Variants in TAF4B observed in about 807,000 individuals in gnomAD.
TAF4B encodes TATA-box binding protein associated factor 4b.
A neutral mutation model predicts 86.4 loss-of-function variants in TAF4B; 38 were observed. The ratio of observed to expected loss-of-function variants is 0.44; its 90% confidence interval spans 0.34 to 0.58. TAF4B has a LOEUF of 0.58. TAF4B is among the 20% of genes least tolerant of loss of function. TAF4B has a pLI of 0.02. For missense variants in TAF4B, 988 were observed against 1,027.6 expected (o/e 0.96, Z 0.53); for synonymous variants, 388 against 391.2 (o/e 0.99, Z 0.10).
intron 14 of TAF4B, among the ~76,000 whole-genome samples, chr18:26,389,228 C>T (rs1431613201): frequency 5.3e-5 from 8 of 152,082 alleles, no homozygotes; most frequent in South Asian, 2.1e-4. Flanking sequence ...ATGGGGACAG[C>T]GCTTATATAA....
At chr18:26,246,937 T>TC (rs1010451106) in intron 1 of TAF4B, among the ~76,000 whole-genome samples, 9 of 149,228 alleles carry the variant, frequency 6.0e-5, no homozygotes, top group Non-Finnish European at 1.3e-4. Flanking sequence ...TGCAACCCTC[T>TC]CCCCCGCCAC....
At chr18:26,320,335 C>T (rs545193595) in intron 10 of TAF4B, among the ~76,000 whole-genome samples, 17 of 152,092 alleles carry the variant, frequency 1.1e-4, no homozygotes, top group Non-Finnish European at 1.9e-4. Context: ...ATTTAAATTA[C>T]GGACAAGGTT....
intron 1 of TAF4B, among the ~76,000 whole-genome samples, chr18:26,257,856 T>C (rs901229604): frequency 0.017 from 2,083 of 123,202 alleles, 39 homozygotes; most frequent in African/African-American, 0.063. Flanking sequence ...TGTGTGTGTG[T>C]GTGTGTGTGT....
At chr18:26,239,004 G>A (rs1447950665) in intron 1 of TAF4B, among the ~76,000 whole-genome samples, 1 of 152,210 alleles carries the variant, frequency 6.6e-6, no homozygotes, top group African/African-American at 2.4e-5. Context: ...GGACATTTGG[G>A]TTGGTTCCAA....
rs1488488612 is a variant in TAF4B at position 26,391,056 on chromosome 18, A to T, written c.*1044A>T. 6.6e-6 allele frequency: 1 copy of T among 152,212 alleles called. No individual in the cohort carries two copies. The highest frequency in any genetic ancestry group is 2.4e-5 in the African/African-American group (1 of 41,454). 9.4% of individuals were successfully genotyped at this position (152,212 alleles called of 1,614,324 possible). The stretch of plus-strand genomic sequence containing the variant: ...TGGCACATTTAAAAAATCCTAATTG[A>T]TGATGAGAAATTTTTAACAATAGGA... On this transcript the variant is annotated 3_prime_UTR_variant, in exon 15 of 15. Transcript: ENST00000269142.
chr18:26,234,571 T>G (rs1238326632), intron 1 of TAF4B, among the ~76,000 whole-genome samples: 1 of 152,238 alleles, frequency 6.6e-6, no homozygotes, highest in East Asian at 1.9e-4. Flanking sequence ...TTTCAAGTAC[T>G]GTTACATCAC....
At position 26,357,793 on chromosome 18, in the gene TAF4B, A is replaced by G. The variant is rs2057299767; in HGVS notation, c.2420A>G (p.Glu807Gly). The change falls in exon 14 of 15, where the codon GAG becomes GGG. Residue 807 changes from glutamate (E) to glycine (G), a missense_variant and splice_region_variant. By Grantham distance (98) the Glu-to-Gly change is moderately conservative. Coordinates refer to ENST00000269142, the MANE Select transcript of TAF4B (RefSeq NM_005640.3). ...RKKRPLESGI[E>G]GLKDNLLASG... ...AAGAGACCACTAGAATCTGGAATTGAGGTATTGAAATAATATTCATTATTT... is the reference window on the plus strand; with the variant it reads ...AAGAGACCACTAGAATCTGGAATTGGGGTATTGAAATAATATTCATTATTT... 5 of 1,590,734 alleles carry G rather than the reference A, an allele frequency of 3.1e-6. No homozygotes were observed. The East Asian group carries it at 1.1e-4, about 36-fold the overall frequency.
chr18:26,242,016 A>G lies in TAF4B; in HGVS notation c.343+14740A>G, dbSNP rs1316960278. Among the ~76,000 whole-genome samples, 9 of 152,294 alleles carry G rather than the reference A, an allele frequency of 5.9e-5. No individual in the cohort carries two copies. The East Asian group carries it at 1.4e-3, about 23-fold the overall frequency. The stretch of plus-strand genomic sequence containing the variant: ...TGCTTTACTTCGAACTATGTGGTCA[A>G]TTTTGGAATAAGTGCTACGTGGTGC... On this transcript the variant is annotated intron_variant, in intron 1 of 14. Transcript: ENST00000269142.
intron 1 of TAF4B, among the ~76,000 whole-genome samples, chr18:26,228,176 AT>A (rs2144408929): frequency 1.3e-5 from 2 of 152,316 alleles, no homozygotes; most frequent in South Asian, 4.1e-4. Context: ...ATGCTGAATG[AT>A]TTTGGGGTGT....
At chr18:26,352,998 CAGA>C (rs2057257379) in intron 13 of TAF4B, among the ~76,000 whole-genome samples, 1 of 152,096 alleles carries the variant, frequency 6.6e-6, no homozygotes, top group Admixed American at 6.5e-5. Flanking sequence ...CAAAGATTTA[CAGA>C]AGAATTAATA....
chr18:26,261,096 G>T (rs1194562353), intron 1 of TAF4B, among the ~76,000 whole-genome samples: 2 of 151,430 alleles, frequency 1.3e-5, no homozygotes, highest in East Asian at 3.9e-4. Flanking sequence ...CTGTTTTAGT[G>T]AGGTCTCCTT....
At chr18:26,256,211 T>C (rs752608030) in intron 1 of TAF4B, 582 of 1,607,400 alleles carry the variant, frequency 3.6e-4, no homozygotes, top group Non-Finnish European at 4.7e-4. Flanking sequence ...AGATGTCTCC[T>C]GAAGGAGTCT....
chr18:26,282,182 C>A (rs2056458650), intron 6 of TAF4B, 122 bp downstream of exon 6: 2 of 773,866 alleles, frequency 2.6e-6, no homozygotes, highest in African/African-American at 1.8e-5. Flanking sequence ...TGGGAGAAAC[C>A]TCTGAGTGCT....
intron 1 of TAF4B, among the ~76,000 whole-genome samples, chr18:26,263,591 A>C (rs918256180): frequency 2.0e-5 from 3 of 152,110 alleles, no homozygotes; most frequent in Non-Finnish European, 4.4e-5. Context: ...CTATTACCTG[A>C]TGGTGTCTTT....
chr18:26,341,249 T>C (rs2057132737), intron 13 of TAF4B, among the ~76,000 whole-genome samples: 1 of 152,116 alleles, frequency 6.6e-6, no homozygotes, highest in South Asian at 2.1e-4. Flanking sequence ...TATAAGATTG[T>C]CATAATTTAG....
At chr18:26,310,549 G>A (rs941053672) in intron 9 of TAF4B, among the ~76,000 whole-genome samples, 2 of 151,880 alleles carry the variant, frequency 1.3e-5, no homozygotes, top group African/African-American at 4.8e-5. Flanking sequence ...GCTTGAGAGA[G>A]GTGAAAAAAG....
At chr18:26,366,086 G>A (rs1005880771) in intron 14 of TAF4B, among the ~76,000 whole-genome samples, 11 of 152,020 alleles carry the variant, frequency 7.2e-5, no homozygotes, top group African/African-American at 1.9e-4. Flanking sequence ...CACTGCGCCC[G>A]GCCTATTATT....
At chr18:26,324,009 G>T (rs2056984112) in intron 11 of TAF4B, among the ~76,000 whole-genome samples, 1 of 151,908 alleles carries the variant, frequency 6.6e-6, no homozygotes, top group Admixed American at 6.6e-5. Flanking sequence ...ATGTTTAATT[G>T]TTTTTGTTTT....
At chr18:26,270,406 C>T (rs1420038440) in intron 3 of TAF4B, among the ~76,000 whole-genome samples, 1 of 152,182 alleles carries the variant, frequency 6.6e-6, no homozygotes, top group Non-Finnish European at 1.5e-5. Context: ...AGTTCTAGAA[C>T]ATGAAAGCTT....
Sources: gnomAD v4.1 joint callset for allele counts (sites outside exome capture counted in the v4.1 genomes callset) on GRCh38, gnomAD v4.1.1 for gene constraint, MANE v1.5 for transcripts, NCBI Gene and HGNC (gene_info 2026-07-23, HGNC 2026-07-21) for gene names.